The following RAB7A variants were observed in gnomAD, a reference collection of about 807,000 sequenced individuals.
RAB7A encodes ras-related protein Rab-7a.
RAB7A carries 2 observed loss-of-function variants against 24.5 expected under a neutral mutation model. That is an observed-to-expected ratio of 0.08 (90% CI 0.03 to 0.26). The LOEUF is 0.26. Among genes scored for constraint, RAB7A ranks in the 10% least tolerant of loss-of-function variants. The pLI is 1.00. For missense variants in RAB7A, 118 were observed against 255.7 expected, an observed-to-expected ratio of 0.46 and a Z score of 3.67; for synonymous variants, 100 against 95.9, an observed-to-expected ratio of 1.04 and a Z score of -0.25.
At chr3:128,797,113 A>G (rs148396911) in intron 2 of RAB7A, among the ~76,000 whole-genome samples, 26 of 152,292 alleles carry the variant, frequency 1.7e-4, no homozygotes, top group East Asian at 7.7e-4. Context: ...AACTTGTGCA[A>G]AAAGTCTCAC....
intron 1 of RAB7A, among the ~76,000 whole-genome samples, chr3:128,727,784 T>A (rs953316777): frequency 5.9e-5 from 9 of 152,216 alleles, no homozygotes; most frequent in African/African-American, 2.2e-4. Flanking sequence ...ACATGATTTC[T>A]CATCCATGGA....
At chr3:128,788,635 T>C (rs1376206419) in intron 1 of RAB7A, among the ~76,000 whole-genome samples, 2 of 152,210 alleles carry the variant, frequency 1.3e-5, no homozygotes, top group Non-Finnish European at 2.9e-5. Context: ...CCATAAAGCC[T>C]TCACCTCCAC....
intron 1 of RAB7A, among the ~76,000 whole-genome samples, chr3:128,735,029 G>T (rs892733554): frequency 6.6e-6 from 1 of 152,170 alleles, no homozygotes; most frequent in Non-Finnish European, 1.5e-5. Flanking sequence ...GTTAATATAT[G>T]TGGGTTTCCT....
chr3:128,747,220 A>G (rs538310882), intron 1 of RAB7A, among the ~76,000 whole-genome samples: 9 of 151,668 alleles, frequency 5.9e-5, no homozygotes, highest in Non-Finnish European at 1.3e-4. Context: ...TGAGCCCAGA[A>G]GTTTGAGATT....
At chr3:128,736,547 A>G (rs1313435048) in intron 1 of RAB7A, among the ~76,000 whole-genome samples, 2 of 152,192 alleles carry the variant, frequency 1.3e-5, no homozygotes, top group Admixed American at 1.3e-4. Flanking sequence ...AGCAGCCGTG[A>G]TAGGAGTATT....
At chr3:128,756,597 G>T (rs896851963) in intron 1 of RAB7A, among the ~76,000 whole-genome samples, 4 of 152,088 alleles carry the variant, frequency 2.6e-5, no homozygotes, top group Non-Finnish European at 5.9e-5. Context: ...AGTAAGAAAT[G>T]CAATGCAGTT....
chr3:128,798,746 T>C, intron 3 of RAB7A: 1 of 171,404 alleles, frequency 5.8e-6, no homozygotes, highest in Non-Finnish European at 1.2e-5. Flanking sequence ...GCCCAGGAGT[T>C]TGAGCCTGCA....
chr3:128,794,892 T>C (rs1933533500), intron 1 of RAB7A, among the ~76,000 whole-genome samples: 1 of 151,916 alleles, frequency 6.6e-6, no homozygotes, highest in Non-Finnish European at 1.5e-5. Context: ...ATATAGTACA[T>C]AAAAATGTCA....
intron 1 of RAB7A, among the ~76,000 whole-genome samples, chr3:128,736,067 C>A (rs2070487167): frequency 6.6e-6 from 1 of 152,124 alleles, no homozygotes; most frequent in African/African-American, 2.4e-5. Context: ...ATGCAGTACT[C>A]AGAGCAAAGT....
rs1341654769 is a variant in RAB7A at position 128,813,491 on chromosome 3, C to G, written c.*69C>G. 3 of 1,392,060 alleles carry G rather than the reference C, an allele frequency of 2.2e-6. No homozygotes were observed. Among genetic ancestry groups the G allele is most frequent in the Admixed American group, 1.7e-5 (1 of 59,496 alleles). The allele number at this position is 1,392,060 out of a possible 1,614,324, so 86.2% of individuals were successfully genotyped here. ...ACACACGTAGGCCTTCAACACAATTCCCCTCTCCTCTTCCAAACAAAACAT... is the reference window on the plus strand; with the variant it reads ...ACACACGTAGGCCTTCAACACAATTGCCCTCTCCTCTTCCAAACAAAACAT... On this transcript the variant is annotated 3_prime_UTR_variant, in exon 6 of 6. Transcript: ENST00000265062.
chr3:128,773,631 C>T (rs1162135564), intron 1 of RAB7A, among the ~76,000 whole-genome samples: 1 of 152,162 alleles, frequency 6.6e-6, no homozygotes, highest in African/African-American at 2.4e-5. Flanking sequence ...ATGACGATGG[C>T]GGTTTTGCAG....
chr3:128,749,980 T>G (rs36093157), intron 1 of RAB7A, among the ~76,000 whole-genome samples: 41,134 of 152,034 alleles, frequency 0.27, 7,024 homozygotes, highest in African/African-American at 0.48. Flanking sequence ...GGCAGAGATT[T>G]GAAGGGTTTG....
At chr3:128,804,041 A>T (rs1933750853) in intron 3 of RAB7A, among the ~76,000 whole-genome samples, 1 of 152,184 alleles carries the variant, frequency 6.6e-6, no homozygotes, top group African/African-American at 2.4e-5. Context: ...TAACTTCCAA[A>T]CAATCAGCAA....
intron 1 of RAB7A, among the ~76,000 whole-genome samples, chr3:128,781,279 TATTTCATG>T (rs1420629395): frequency 1.3e-5 from 2 of 152,234 alleles, no homozygotes; most frequent in Non-Finnish European, 2.9e-5. Flanking sequence ...AAGCCACCCA[TATTTCATG>T]TGTCAAATGG....
intron 1 of RAB7A, among the ~76,000 whole-genome samples, chr3:128,729,503 G>A (rs2070412990): frequency 6.6e-6 from 1 of 151,604 alleles, no homozygotes; most frequent in Non-Finnish European, 1.5e-5. Flanking sequence ...CCAGGAGGCA[G>A]GGCTTGCAGT....
chr3:128,770,420 T>A (rs1181293481), intron 1 of RAB7A, among the ~76,000 whole-genome samples: 1 of 152,206 alleles, frequency 6.6e-6, no homozygotes, highest in Non-Finnish European at 1.5e-5. Flanking sequence ...TGGCCTCCTG[T>A]CATTTTTGTT....
chr3:128,810,969 G>C (rs1933912049), intron 5 of RAB7A, among the ~76,000 whole-genome samples: 1 of 151,990 alleles, frequency 6.6e-6, no homozygotes, highest in African/African-American at 2.4e-5. Flanking sequence ...CAGGAGAATT[G>C]CTTGAACCTG....
At chr3:128,793,930 C>T (rs934615569) in intron 1 of RAB7A, among the ~76,000 whole-genome samples, 1 of 152,206 alleles carries the variant, frequency 6.6e-6, no homozygotes, top group African/African-American at 2.4e-5. Context: ...ATCCTCTAGT[C>T]TGGCTCCTAT....
intron 2 of RAB7A, among the ~76,000 whole-genome samples, chr3:128,795,751 C>CTTTT (rs71153147): frequency 0.1 from 4,420 of 42,984 alleles, 1,606 homozygotes; most frequent in Non-Finnish European, 0.16. Flanking sequence ...AGCAGATGTG[C>CTTTT]TTTTTTTTTT....
Sources: allele counts gnomAD v4.1 joint callset (sites outside exome capture counted in the v4.1 genomes callset), GRCh38; gene constraint gnomAD v4.1.1; transcripts MANE v1.5; gene names NCBI Gene and HGNC (gene_info 2026-07-23, HGNC 2026-07-21).